Variants in KATNIP observed in about 807,000 individuals in gnomAD.
KATNIP encodes the protein katanin interacting protein.
In KATNIP, 126 loss-of-function variants were observed where a neutral mutation model predicts 174.0. The ratio of observed to expected loss-of-function variants is 0.72; its 90% CI spans 0.63 to 0.84. The LOEUF is 0.84. Among genes scored for constraint, KATNIP ranks in the 40% least tolerant of loss-of-function variants. The probability of loss-of-function intolerance (pLI) is 0.00; values close to 1 mark genes in which losing one functional copy is unlikely to be tolerated. For synonymous variants in KATNIP, 810 were observed against 835.7 expected (o/e 0.97, Z 0.53); for missense variants, 1,958 against 2,109.7 (o/e 0.93, Z 1.41).
intron 6 of KATNIP, among the ~76,000 whole-genome samples, chr16:27,657,975 A>G (rs942526197): frequency 6.6e-6 from 1 of 152,220 alleles, no homozygotes; most frequent in African/African-American, 2.4e-5. Context: ...TTGTGATGTT[A>G]TGCTGTAGTT....
intron 6 of KATNIP, among the ~76,000 whole-genome samples, chr16:27,669,006 A>AAAAAAG (rs1302130218): frequency 2.0e-5 from 3 of 152,174 alleles, no homozygotes; most frequent in African/African-American, 4.8e-5. Flanking sequence ...ACCCTTCCTC[A>AAAAAAG]AAAAAGAAAA....
intron 2 of KATNIP, among the ~76,000 whole-genome samples, chr16:27,615,455 A>G (rs969302830): frequency 6.6e-6 from 1 of 151,978 alleles, no homozygotes; most frequent in African/African-American, 2.4e-5. Flanking sequence ...CCCAAGTTCA[A>G]GCGATTCTCC....
chr16:27,702,481 C>T (rs2079138329), intron 11 of KATNIP, among the ~76,000 whole-genome samples: 1 of 152,202 alleles, frequency 6.6e-6, no homozygotes, highest in Admixed American at 6.5e-5. Flanking sequence ...GGCTGAGAGC[C>T]TGTAGTTTCT....
At chr16:27,636,664 C>A (rs893197219) in intron 5 of KATNIP, among the ~76,000 whole-genome samples, 2 of 150,704 alleles carry the variant, frequency 1.3e-5, no homozygotes, top group Non-Finnish European at 3.0e-5. Context: ...CTGTGTGCCC[C>A]AGAGCTGGCT....
intron 2 of KATNIP, among the ~76,000 whole-genome samples, chr16:27,584,996 A>G (rs1178948609): frequency 6.6e-6 from 1 of 151,340 alleles, no homozygotes; most frequent in African/African-American, 2.4e-5. Flanking sequence ...AGAACATGCC[A>G]CTCCCCCTCC....
At chr16:27,763,602 G>A (rs1461299069) in intron 19 of KATNIP, among the ~76,000 whole-genome samples, 10 of 147,420 alleles carry the variant, frequency 6.8e-5, no homozygotes, top group Non-Finnish European at 1.3e-4. Context: ...GCAACAGAGC[G>A]GGACCCTGTC....
At chr16:27,762,772 C>T (rs996584498) in intron 19 of KATNIP, among the ~76,000 whole-genome samples, 2 of 152,180 alleles carry the variant, frequency 1.3e-5, no homozygotes, top group African/African-American at 2.4e-5. Context: ...CTCTGACCAC[C>T]CCCAACATCC....
rs766083839 is a variant in KATNIP, at chr16:27,677,966, G to T, written c.778G>T (p.Val260Leu). ...CTCTTCTCCAGGCCCAGACACCCTC[G>T]TGGTGCTGGAATTTAACCCAGCTTC... Reference protein sequence around the residue: ...GRSSPGPDTLVVLEFNPASKS... With the variant: ...GRSSPGPDTLLVLEFNPASKS... The change falls in exon 7 of 28, where the codon GTG becomes TTG. Residue 260 changes from valine (V) to leucine (L), a missense_variant. This residue lies in a region of KATNIP where 1,557 missense variants were observed against 1,617.8 expected (regional missense o/e 0.96). Transcript: ENST00000261588. 1.9e-6 allele frequency: 3 copies of T among 1,614,036 alleles called. No homozygotes were observed. The highest frequency in any genetic ancestry group is 1.7e-5 in the Admixed American group (1 of 60,006).
At chr16:27,737,072 G>T (rs1306010590) in intron 14 of KATNIP, among the ~76,000 whole-genome samples, 3 of 152,156 alleles carry the variant, frequency 2.0e-5, no homozygotes, top group Non-Finnish European at 4.4e-5. Context: ...TGGAGAAAGT[G>T]ATTTCAGAAT....
In KATNIP at chr16:27,573,891, A is replaced by T; in HGVS notation, c.8-10A>T. On this transcript the variant is annotated splice_polypyrimidine_tract_variant and intron_variant, in intron 1 of 27. Transcript: ENST00000261588. ...GCCTTAATCTTGGTTCTGCTTTTGA[A>T]CTGCGACAGGTCAGACTCTGCGAAA... 6.2e-7 allele frequency: 1 copy of T among 1,614,138 alleles called. No individual in the cohort carries two copies. Among genetic ancestry groups the T allele is most frequent in the South Asian group, 1.1e-5 (1 of 91,082 alleles).
chr16:27,631,747 A>G (rs923558242), intron 5 of KATNIP, among the ~76,000 whole-genome samples: 7 of 151,996 alleles, frequency 4.6e-5, no homozygotes, highest in Admixed American at 6.6e-5. Flanking sequence ...TCATTCAGCT[A>G]TTTTTTTATT....
chr16:27,607,751 C>T (rs139992382), intron 2 of KATNIP, among the ~76,000 whole-genome samples: 3 of 152,234 alleles, frequency 2.0e-5, no homozygotes, highest in Non-Finnish European at 2.9e-5. Flanking sequence ...TCCTGCATGG[C>T]GCTAACCATC....
intron 13 of KATNIP, among the ~76,000 whole-genome samples, chr16:27,710,463 TA>T (rs1377874215): frequency 6.6e-6 from 1 of 152,250 alleles, no homozygotes; most frequent in East Asian, 1.9e-4. Flanking sequence ...GACTGTGAGC[TA>T]AACTGAGCCA....
Position 27,776,818 on chromosome 16 carries a change from C to A in KATNIP, c.4450-110C>A. The A allele has an allele frequency of 4.1e-6, 3 of 739,026 alleles. No homozygotes were observed. The highest frequency in any genetic ancestry group is 2.2e-5 in the Admixed American group (1 of 45,586). 45.8% of individuals were successfully genotyped at this position (739,026 alleles called of 1,614,324 possible). ...ACTCCAGGCTGGCCCACGTGGCAGG[C>A]GCTGCCTTGGGCACCACCGCTCACC... is the stretch of plus-strand genomic sequence containing the variant. On this transcript the variant is annotated intron_variant, in intron 24 of 27. Transcript: ENST00000261588. This position sits in a 1 kb window ranked among gnomAD's most constrained non-coding sequence, Gnocchi z 4.7.
At chr16:27,594,466 C>T (rs1389118900) in intron 2 of KATNIP, among the ~76,000 whole-genome samples, 1 of 152,006 alleles carries the variant, frequency 6.6e-6, no homozygotes, top group African/African-American at 2.4e-5. Flanking sequence ...ATCAAGGGCT[C>T]TGAGATTCCT....
chr16:27,724,029 T>G (rs2080345800), intron 14 of KATNIP, among the ~76,000 whole-genome samples: 1 of 152,256 alleles, frequency 6.6e-6, no homozygotes, highest in Admixed American at 6.5e-5. Context: ...GTTGTTTGTT[T>G]GCTTGTTTGT....
At chr16:27,769,249 A>G (rs1459928596) in intron 20 of KATNIP, among the ~76,000 whole-genome samples, 1 of 152,242 alleles carries the variant, frequency 6.6e-6, no homozygotes, top group African/African-American at 2.4e-5. Flanking sequence ...GGATGCTGCT[A>G]GGCATACAGG....
At chr16:27,688,562 G>A (rs1168708778) in intron 8 of KATNIP, among the ~76,000 whole-genome samples, 3 of 152,212 alleles carry the variant, frequency 2.0e-5, no homozygotes, top group Admixed American at 1.3e-4. Flanking sequence ...CTGCACTCCA[G>A]CCTGGGCAAC....
At chr16:27,608,241 T>C (rs2075772469) in intron 2 of KATNIP, among the ~76,000 whole-genome samples, 2 of 146,124 alleles carry the variant, frequency 1.4e-5, no homozygotes, top group Non-Finnish European at 3.0e-5. Context: ...TTTTTTTTTT[T>C]TTTTTTTGAG....
Sources: gnomAD v4.1 joint callset for allele counts (sites outside exome capture counted in the v4.1 genomes callset) on GRCh38, gnomAD v4.1.1 for gene constraint, gnomAD v4.1.1 regional missense constraint, Gnocchi (gnomAD v3.1) non-coding constraint, MANE v1.5 for transcripts, NCBI Gene and HGNC (gene_info 2026-07-23, HGNC 2026-07-21) for gene names.